The following FAM107B variants were observed in gnomAD, a reference collection of about 807,000 sequenced individuals.
FAM107B encodes protein FAM107B.
In FAM107B, 21 loss-of-function variants were observed where a neutral mutation model predicts 31.5. That is an observed-to-expected ratio of 0.67 (90% CI 0.47 to 0.96). The LOEUF is 0.96. Ranked by LOEUF, FAM107B falls within the 40% of genes least tolerant of loss-of-function variation. FAM107B has a pLI of 0.00. For missense variants in FAM107B, 452 were observed against 377.1 expected (o/e 1.20, Z -1.64); for synonymous variants, 157 against 141.5 (o/e 1.11, Z -0.78).
rs10450543 is a variant in FAM107B, at chr10:14,532,990, G to A, written c.470-2475C>T. The stretch of plus-strand genomic sequence containing the variant: ...GGGGGGATGAGGAATGGCAAAGCGC[G>A]AGGCTGGCTGCAGGGGAGGGAGGGA... On this transcript the variant is annotated intron_variant, in intron 2 of 4. Transcript: ENST00000181796. 1.6e-3 allele frequency among the ~76,000 whole-genome samples: 247 copies of A among 152,274 alleles called. 1 individual carries two copies. Among genetic ancestry groups the A allele is most frequent in the Non-Finnish European group, 5.6e-4 (38 of 68,032 alleles).
At chr10:14,581,998 G>T (rs1317521302) in intron 2 of FAM107B, among the ~76,000 whole-genome samples, 1 of 152,184 alleles carries the variant, frequency 6.6e-6, no homozygotes, top group Admixed American at 6.5e-5. Flanking sequence ...AATTGTATAG[G>T]ATGCTTGCCC....
chr10:14,732,177 G>C (rs1001403647), intron 1 of FAM107B, among the ~76,000 whole-genome samples: 1 of 152,144 alleles, frequency 6.6e-6, no homozygotes, highest in African/African-American at 2.4e-5. Flanking sequence ...CACTATTGAT[G>C]TTTTACATTC....
intron 1 of FAM107B, among the ~76,000 whole-genome samples, chr10:14,733,289 G>T (rs371530199): frequency 3.3e-5 from 5 of 151,874 alleles, no homozygotes; most frequent in South Asian, 2.1e-4. Context: ...GCCCAGAGTC[G>T]ATCTAATGTA....
intron 1 of FAM107B, among the ~76,000 whole-genome samples, chr10:14,737,953 C>T (rs1856347254): frequency 6.6e-6 from 1 of 152,080 alleles, no homozygotes; most frequent in Non-Finnish European, 1.5e-5. Context: ...TGGATAAAAA[C>T]TCGGTCTCTA....
At chr10:14,522,049 A>C (rs1426873095) in intron 3 of FAM107B, 30 bp from the exon 4 acceptor site, 1 of 1,586,914 alleles carries the variant, frequency 6.3e-7, no homozygotes, top group African/African-American at 1.4e-5. Flanking sequence ...AAAATAGAAA[A>C]CGTTAATCTA....
At chr10:14,621,931 A>G (rs1047392711) in intron 2 of FAM107B, among the ~76,000 whole-genome samples, 5 of 152,222 alleles carry the variant, frequency 3.3e-5, no homozygotes, top group Admixed American at 1.3e-4. Flanking sequence ...AACACTAACA[A>G]TAAAATATGT....
At chr10:14,702,578 G>C (rs1330840800) in intron 1 of FAM107B, among the ~76,000 whole-genome samples, 1 of 152,134 alleles carries the variant, frequency 6.6e-6, no homozygotes, top group Admixed American at 6.6e-5. Flanking sequence ...TCAAACTCCT[G>C]ACCTCAGGTG....
intron 2 of FAM107B, among the ~76,000 whole-genome samples, chr10:14,545,503 C>A (rs11259172): frequency 0.25 from 37,760 of 152,112 alleles, 5,577 homozygotes; most frequent in Non-Finnish European, 0.32. Flanking sequence ...AATACCAGCA[C>A]ACATAAGCAA....
At chr10:14,754,667 G>A (rs1832894385) in intron 1 of FAM107B, among the ~76,000 whole-genome samples, 1 of 152,178 alleles carries the variant, frequency 6.6e-6, no homozygotes, top group Non-Finnish European at 1.5e-5. Flanking sequence ...CCATCTTTGA[G>A]CCACTGCATC....
At chr10:14,770,209 G>A (rs1240370930) in intron 1 of FAM107B, among the ~76,000 whole-genome samples, 1 of 152,126 alleles carries the variant, frequency 6.6e-6, no homozygotes, top group Non-Finnish European at 1.5e-5. Context: ...TGGAGGAAGA[G>A]CATAATAACT....
At chr10:14,685,148 T>TTTA (rs1564625155) in intron 1 of FAM107B, among the ~76,000 whole-genome samples, 9 of 146,078 alleles carry the variant, frequency 6.2e-5, no homozygotes, top group African/African-American at 2.2e-4. Flanking sequence ...TTTTATTTTT[T>TTTA]TTTTTTTTTT....
chr10:14,552,083 A>C (rs1440103681), intron 2 of FAM107B, among the ~76,000 whole-genome samples: 1 of 152,212 alleles, frequency 6.6e-6, no homozygotes, highest in Non-Finnish European at 1.5e-5. Context: ...AGAGAAACAA[A>C]ACATTTTTAA....
intron 1 of FAM107B, among the ~76,000 whole-genome samples, chr10:14,697,919 G>C (rs1564629389): frequency 6.6e-6 from 1 of 152,188 alleles, no homozygotes; most frequent in East Asian, 1.9e-4. Flanking sequence ...GAGATCAGGA[G>C]TTTGAGGCCA....
At chr10:14,756,528 G>T (rs79680784) in intron 1 of FAM107B, among the ~76,000 whole-genome samples, 6,747 of 152,274 alleles carry the variant, frequency 0.044, 493 homozygotes, top group African/African-American at 0.15. Flanking sequence ...ATCCAGCGAG[G>T]TTGTGGAGAA....
chr10:14,674,918 T>A (rs1174920275), intron 1 of FAM107B, among the ~76,000 whole-genome samples: 2 of 152,090 alleles, frequency 1.3e-5, no homozygotes, highest in East Asian at 3.9e-4. Flanking sequence ...TAATTTTTTT[T>A]TGTAGAGACA....
At chr10:14,669,497 C>A (rs1854491731) in intron 1 of FAM107B, among the ~76,000 whole-genome samples, 1 of 151,660 alleles carries the variant, frequency 6.6e-6, no homozygotes. Flanking sequence ...TCAACTTGAA[C>A]ATCCATCGCC....
chr10:14,556,651 G>C lies in FAM107B; in HGVS notation c.470-26136C>G, dbSNP rs80292820. On this transcript the variant is annotated intron_variant, in intron 2 of 4. Coordinates refer to ENST00000181796, the MANE Select transcript of FAM107B (RefSeq NM_031453.4). ...TCACAAGGCATCCTGCCATGGAACA[G>C]CAGGCAAAGATTTAGAAGGCCACCT... 2.4e-3 allele frequency among the ~76,000 whole-genome samples: 361 copies of C among 152,360 alleles called. 1 individual carries two copies. Among genetic ancestry groups the C allele is most frequent in the African/African-American group, 8.5e-3 (352 of 41,578 alleles).
At chr10:14,561,530 G>T (rs574006175) in intron 2 of FAM107B, among the ~76,000 whole-genome samples, 2 of 152,198 alleles carry the variant, frequency 1.3e-5, no homozygotes, top group African/African-American at 4.8e-5. Flanking sequence ...CCAGGTAAGC[G>T]GCAGGGAGGC....
chr10:14,531,049 A>C (rs913563816), intron 2 of FAM107B, among the ~76,000 whole-genome samples: 1 of 152,166 alleles, frequency 6.6e-6, no homozygotes, highest in Non-Finnish European at 1.5e-5. Context: ...GACGGGATGG[A>C]ATCAGTCACC....
Sources: allele counts gnomAD v4.1 joint callset (sites outside exome capture counted in the v4.1 genomes callset), GRCh38; gene constraint gnomAD v4.1.1; transcripts MANE v1.5; gene names NCBI Gene and HGNC (gene_info 2026-07-23, HGNC 2026-07-21).